NEK1: variants seen among roughly 807,000 people sequenced by gnomAD.
NEK1 encodes serine/threonine-protein kinase Nek1.
Under a neutral mutation model 182.1 loss-of-function variants are expected in NEK1, and 137 were observed. That is an observed-to-expected ratio of 0.75 (90% CI 0.65 to 0.87). NEK1 has a LOEUF of 0.87. Ranked by LOEUF, NEK1 falls within the 40% of genes least tolerant of loss-of-function variation. The pLI is 0.00. For missense variants in NEK1, 1,391 were observed against 1,494.4 expected (o/e 0.93, Z 1.14); for synonymous variants, 513 against 492.2 (o/e 1.04, Z -0.56).
Position 169,566,385 on chromosome 4 carries a change from T to C in NEK1, c.1021-4189A>G, listed in dbSNP as rs535139283. Reference sequence around the variant, plus strand: ...AGGTATTTTCAGAACACTATTTCTATAGTGAAGAGAATAATACGAAACACA... The same window carrying C: ...AGGTATTTTCAGAACACTATTTCTACAGTGAAGAGAATAATACGAAACACA... On this transcript the variant is annotated intron_variant, in intron 12 of 35. Transcript: ENST00000507142. Among the ~76,000 whole-genome samples, 4 of 152,342 alleles carry C rather than the reference T, an allele frequency of 2.6e-5. No homozygotes were observed. In the East Asian group the frequency reaches 5.8e-4, roughly 22 times the overall value.
chr4:169,512,594 C>A (rs1754373449), intron 19 of NEK1, among the ~76,000 whole-genome samples: 1 of 151,926 alleles, frequency 6.6e-6, no homozygotes, highest in South Asian at 2.1e-4. Flanking sequence ...TTTTGCAGAG[C>A]CAAATTTTTA....
chr4:169,483,593 G>A (rs1460577352), intron 23 of NEK1, among the ~76,000 whole-genome samples: 4 of 152,080 alleles, frequency 2.6e-5, no homozygotes, highest in Middle Eastern at 3.2e-3. Flanking sequence ...TAGGCCGGGC[G>A]CAGTGGCTCA....
intron 19 of NEK1, among the ~76,000 whole-genome samples, chr4:169,521,588 T>C (rs1756059931): frequency 1.3e-5 from 2 of 152,370 alleles, no homozygotes; most frequent in South Asian, 4.1e-4. Context: ...TTTATCTCTT[T>C]GTCCTTAGTA....
In NEK1 at chr4:169,506,827, C is replaced by A. The variant is rs1753334499; in HGVS notation, c.2007+210G>T. 3 of 279,160 alleles carry A rather than the reference C, an allele frequency of 1.1e-5. No individual in the cohort carries two copies. In the East Asian group the frequency reaches 1.8e-4, roughly 17 times the overall value. The allele number at this position is 279,160 out of a possible 1,614,324, so 17.3% of individuals were successfully genotyped here. ...ATTAGTTCTGACTTCAAATCAATCT[C>A]CCAAATAACTTCCACATTGATTATT... On this transcript the variant is annotated intron_variant, in intron 23 of 35. Transcript: ENST00000507142.
Position 169,394,427 on chromosome 4 carries a change from G to C in NEK1, c.*83C>G. ...CTGATTTTTTAAATAAATAATTGCT[G>C]TATTTCCCACTGAAGCTTGTTATTC... On this transcript the variant is annotated 3_prime_UTR_variant, in exon 36 of 36. Transcript: ENST00000507142. The C allele has an allele frequency of 1.2e-6, 1 of 829,998 alleles. No homozygotes were observed. The highest frequency in any genetic ancestry group is 1.9e-6 in the Non-Finnish European group (1 of 513,998). The allele number at this position is 829,998 out of a possible 1,614,324, so 51.4% of individuals were successfully genotyped here.
chr4:169,570,371 C>G (rs925958722), intron 12 of NEK1, among the ~76,000 whole-genome samples: 10 of 150,896 alleles, frequency 6.6e-5, no homozygotes, highest in African/African-American at 2.0e-4. Context: ...GGGGGTCAGC[C>G]CCCGCCAGGC....
At chr4:169,547,845 CT>C (rs1388633076) in intron 18 of NEK1, among the ~76,000 whole-genome samples, 2 of 152,144 alleles carry the variant, frequency 1.3e-5, no homozygotes, top group African/African-American at 4.8e-5. Flanking sequence ...CTTCTTTAAA[CT>C]GGTTATTCTA....
At chr4:169,588,145 T>C (rs1412176400) in intron 8 of NEK1, among the ~76,000 whole-genome samples, 1 of 152,136 alleles carries the variant, frequency 6.6e-6, no homozygotes, top group Non-Finnish European at 1.5e-5. Flanking sequence ...ATTAGAAATA[T>C]GGGCTTGGGA....
chr4:169,497,605 T>C (rs2149648272), intron 23 of NEK1, among the ~76,000 whole-genome samples: 1 of 152,338 alleles, frequency 6.6e-6, no homozygotes, highest in Non-Finnish European at 1.5e-5. Flanking sequence ...GTATGTTGTG[T>C]CTTTGTTCTC....
rs1474180264 is a variant in NEK1 at position 169,433,631 on chromosome 4, C to A, written c.2799G>T (p.Glu933Asp). The change falls in exon 29 of 36, where the codon GAG becomes GAT. Residue 933 changes from glutamate (E) to aspartate (D), a missense_variant. Coordinates refer to ENST00000507142, the MANE Select transcript of NEK1 (RefSeq NM_001199397.3). ...TCTCATCTTTGTTTGTTCCACTTGG[C>A]TCTTGTAGAATTTCTGTTTCCAAAT... ...PDDLETEILQ[E>D]PSGTNKDESL... 6.2e-7 allele frequency: 1 copy of A among 1,613,248 alleles called. No individual in the cohort carries two copies. The highest frequency in any genetic ancestry group is 1.3e-5 in the African/African-American group (1 of 74,880).
chr4:169,506,916 G>T, intron 23 of NEK1, 121 bp downstream of exon 23: 2 of 525,918 alleles, frequency 3.8e-6, no homozygotes, highest in South Asian at 3.6e-5. Context: ...GTGAGAGAGA[G>T]AATGAGAATG....
chr4:169,480,158 C>G (rs1747714446), intron 23 of NEK1, among the ~76,000 whole-genome samples: 1 of 152,056 alleles, frequency 6.6e-6, no homozygotes, highest in East Asian at 1.9e-4. Context: ...AAGTTTACTC[C>G]CTACTCCCTA....
intron 19 of NEK1, among the ~76,000 whole-genome samples, chr4:169,513,858 T>C (rs1008187549): frequency 6.6e-6 from 1 of 152,184 alleles, no homozygotes; most frequent in African/African-American, 2.4e-5. Flanking sequence ...CCTGTTGATA[T>C]GGTGAATCAC....
At chr4:169,486,871 T>G (rs1749127899) in intron 23 of NEK1, among the ~76,000 whole-genome samples, 1 of 152,208 alleles carries the variant, frequency 6.6e-6, no homozygotes, top group Non-Finnish European at 1.5e-5. Flanking sequence ...AGAATCTCCC[T>G]AATTCTATTT....
intron 31 of NEK1, among the ~76,000 whole-genome samples, chr4:169,407,080 GTT>G (rs1316122652): frequency 6.6e-6 from 1 of 152,074 alleles, no homozygotes; most frequent in Non-Finnish European, 1.5e-5. Flanking sequence ...TGGGAGAAGT[GTT>G]TATTTAGGTA....
intron 18 of NEK1, among the ~76,000 whole-genome samples, chr4:169,538,218 G>A (rs993663992): frequency 2.6e-5 from 4 of 151,618 alleles, no homozygotes; most frequent in South Asian, 2.1e-4. Context: ...ACTTAATTAC[G>A]GAAGAATCTG....
intron 31 of NEK1, among the ~76,000 whole-genome samples, chr4:169,422,959 G>A (rs1208984033): frequency 6.6e-6 from 1 of 152,014 alleles, no homozygotes; most frequent in Non-Finnish European, 1.5e-5. Flanking sequence ...ATCATAAATT[G>A]GTTTTGGTAG....
In NEK1 at chr4:169,543,908, T is replaced by C. The variant is rs1316526858; in HGVS notation, c.1563-5997A>G. Reference sequence around the variant, plus strand: ...CTGAGATGATGGGATTTTCTAAATATACAATCCATGTTATCTGCAAACAGA... The same window carrying C: ...CTGAGATGATGGGATTTTCTAAATACACAATCCATGTTATCTGCAAACAGA... On this transcript the variant is annotated intron_variant, in intron 18 of 35. Transcript: ENST00000507142. Among the ~76,000 whole-genome samples, 4 of 152,222 alleles carry C rather than the reference T, an allele frequency of 2.6e-5. No individual in the cohort carries two copies. The East Asian group carries it at 7.7e-4, about 29-fold the overall frequency.
In NEK1 at chr4:169,521,500, C is replaced by G. The variant is rs540476858; in HGVS notation, c.1666-12648G>C. 2.7e-4 allele frequency among the ~76,000 whole-genome samples: 41 copies of G among 152,242 alleles called. No individual in the cohort carries two copies. In the South Asian group the frequency reaches 3.7e-3, roughly 14 times the overall value. On this transcript the variant is annotated intron_variant, in intron 19 of 35. Coordinates refer to ENST00000507142, the MANE Select transcript of NEK1 (RefSeq NM_001199397.3). Reference sequence around the variant, plus strand: ...TCACGCTGGGAGCTGTAGACCGGAGCTGTTCCTATTCGGCCATCTTGGTTC... The same window carrying G: ...TCACGCTGGGAGCTGTAGACCGGAGGTGTTCCTATTCGGCCATCTTGGTTC...
Sources: gnomAD v4.1 joint callset for allele counts (sites outside exome capture counted in the v4.1 genomes callset) on GRCh38, gnomAD v4.1.1 for gene constraint, MANE v1.5 for transcripts, NCBI Gene and HGNC (gene_info 2026-07-23, HGNC 2026-07-21) for gene names.